The following PRKCZ variants were observed in gnomAD, a reference collection of about 807,000 sequenced individuals.
PRKCZ encodes the protein protein kinase C zeta.
Under a neutral mutation model 79.5 loss-of-function variants are expected in PRKCZ, and 33 were observed. The observed-to-expected ratio is 0.41, with a 90% CI of 0.31 to 0.55. The LOEUF (loss-of-function observed/expected upper bound fraction) is 0.55, where lower values mean the gene tolerates loss of function less well. Ranked by LOEUF, PRKCZ falls within the 20% of genes least tolerant of loss-of-function variation. The probability of loss-of-function intolerance (pLI) is 0.19; values close to 1 mark genes in which losing one functional copy is unlikely to be tolerated. For synonymous variants in PRKCZ, 342 were observed against 320.9 expected (o/e 1.07, Z -0.70); for missense variants, 578 against 813.5 (o/e 0.71, Z 3.52).
chr1:2,098,920 A>C (rs1481602751), intron 4 of PRKCZ, among the ~76,000 whole-genome samples: 2 of 152,102 alleles, frequency 1.3e-5, no homozygotes, highest in Non-Finnish European at 2.9e-5. Flanking sequence ...TGACCTCGTG[A>C]TCCACCCACC....
At chr1:2,058,532 TAGTA>T (rs1315946539) in intron 3 of PRKCZ, among the ~76,000 whole-genome samples, 1 of 152,134 alleles carries the variant, frequency 6.6e-6, no homozygotes, top group Admixed American at 6.5e-5. Context: ...GTGGTTGTGA[TAGTA>T]AGCACATTTT....
chr1:2,057,212 C>T (rs1660249692), intron 3 of PRKCZ, among the ~76,000 whole-genome samples: 1 of 152,200 alleles, frequency 6.6e-6, no homozygotes, highest in South Asian at 2.1e-4. Context: ...CTGTCCTCAG[C>T]TTTAAGTTCA....
chr1:2,155,310 G>A (rs943209317), intron 9 of PRKCZ, among the ~76,000 whole-genome samples: 1 of 151,914 alleles, frequency 6.6e-6, no homozygotes, highest in Non-Finnish European at 1.5e-5. Context: ...GACAATGGTG[G>A]TGATGACAGT....
rs776964770 is a variant in PRKCZ at position 2,056,582 on chromosome 1, C to T, written c.283+9C>T. The T allele has an allele frequency of 1.5e-5, 24 of 1,611,324 alleles. No individual in the cohort carries two copies. In the East Asian group the frequency reaches 1.8e-4, roughly 12 times the overall value. On this transcript the variant is annotated intron_variant, in intron 3 of 17. Transcript: ENST00000378567. Reference sequence around the variant, plus strand: ...AGGCCTCATCATTCATGGTTAGTGGCGGGGTCTGTGGTGGGCAGCTCTGGG... The same window carrying T: ...AGGCCTCATCATTCATGGTTAGTGGTGGGGTCTGTGGTGGGCAGCTCTGGG...
At chr1:2,146,485 C>T (rs1046279468) in intron 7 of PRKCZ, among the ~76,000 whole-genome samples, 3 of 152,228 alleles carry the variant, frequency 2.0e-5, no homozygotes, top group Non-Finnish European at 4.4e-5. Context: ...AGAGCTGAGC[C>T]CTATCTGGGG....
intron 7 of PRKCZ, among the ~76,000 whole-genome samples, chr1:2,146,404 C>T (rs908292125): frequency 1.1e-4 from 17 of 152,192 alleles, no homozygotes; most frequent in Non-Finnish European, 2.2e-4. Flanking sequence ...TAACCAGCTC[C>T]GGGAGTTCTC....
chr1:2,087,838 AC>A (rs1243179164), intron 4 of PRKCZ, among the ~76,000 whole-genome samples: 6 of 152,124 alleles, frequency 3.9e-5, no homozygotes, highest in African/African-American at 1.2e-4. Flanking sequence ...CCTGAGGAGG[AC>A]CAGCGTCTGG....
intron 4 of PRKCZ, among the ~76,000 whole-genome samples, chr1:2,062,032 G>A (rs1003454001): frequency 1.3e-5 from 2 of 152,214 alleles, no homozygotes; most frequent in Admixed American, 1.3e-4. Flanking sequence ...AGAGGCAGAC[G>A]AGGGCAGGAC....
At chr1:2,160,393 G>A (rs970072471) in intron 10 of PRKCZ, among the ~76,000 whole-genome samples, 5 of 152,138 alleles carry the variant, frequency 3.3e-5, no homozygotes, top group African/African-American at 1.2e-4. Context: ...GGGAGGGTCC[G>A]CAGGGAGCAG....
At chr1:2,076,800 G>C (rs531114474) in intron 4 of PRKCZ, among the ~76,000 whole-genome samples, 28 of 151,988 alleles carry the variant, frequency 1.8e-4, no homozygotes, top group Admixed American at 1.1e-3. Context: ...CCAGTCGGTC[G>C]TCCAGTGTTC....
intron 4 of PRKCZ, among the ~76,000 whole-genome samples, chr1:2,061,538 G>T (rs17777295): frequency 0.17 from 25,646 of 152,148 alleles, 2,715 homozygotes; most frequent in Non-Finnish European, 0.25. Context: ...CCTGGGACAC[G>T]TGAGTAGGTC....
At chr1:2,160,315 C>T (rs1017428812) in intron 10 of PRKCZ, among the ~76,000 whole-genome samples, 2 of 151,072 alleles carry the variant, frequency 1.3e-5, no homozygotes, top group African/African-American at 4.9e-5. Context: ...GAGAGGGAGA[C>T]AGCTTTACTA....
chr1:2,096,035 T>A (rs1321505376), intron 4 of PRKCZ, among the ~76,000 whole-genome samples: 3 of 150,732 alleles, frequency 2.0e-5, no homozygotes, highest in Non-Finnish European at 4.4e-5. Flanking sequence ...GGGCCGGGCC[T>A]GTCTGGGATC....
intron 4 of PRKCZ, among the ~76,000 whole-genome samples, chr1:2,120,785 T>A (rs1227052060): frequency 6.6e-6 from 1 of 152,168 alleles, no homozygotes; most frequent in Non-Finnish European, 1.5e-5. Context: ...ATCTACCCTT[T>A]AAATTATTAA....
intron 4 of PRKCZ, among the ~76,000 whole-genome samples, chr1:2,124,934 G>A (rs543648830): frequency 9.8e-5 from 15 of 152,320 alleles, no homozygotes; most frequent in Admixed American, 2.6e-4. Flanking sequence ...GACTCCTCGC[G>A]TGGCGTCCCT....
intron 4 of PRKCZ, chr1:2,134,892 AGGAGGGGGGT>A (rs1185638472): frequency 1.2e-5 from 2 of 166,814 alleles, no homozygotes; most frequent in East Asian, 1.7e-4. Flanking sequence ...CTGCCTGGGG[AGGAGGGGGGT>A]GGAAAGGAAA....
chr1:2,180,510 CGTG>C (rs1392271274), intron 16 of PRKCZ, among the ~76,000 whole-genome samples: 1 of 150,404 alleles, frequency 6.6e-6, no homozygotes, highest in African/African-American at 2.5e-5. Flanking sequence ...GCACAGATGA[CGTG>C]GACGCACAGA....
chr1:2,121,698 A>G lies in PRKCZ; in HGVS notation c.335-13564A>G, dbSNP rs1388903673. ...GGTGGTTAGGGTCACGGTGGTGGTT[A>G]GGGTCACGGTGGTAGTTAGGGTCAC... is the stretch of plus-strand genomic sequence containing the variant. On this transcript the variant is annotated intron_variant, in intron 4 of 17. Transcript: ENST00000378567. Among the ~76,000 whole-genome samples, 48 of 89,994 alleles carry G rather than the reference A, an allele frequency of 5.3e-4. 2 individuals are homozygous for G. Among genetic ancestry groups the G allele is most frequent in the African/African-American group, 2.0e-3 (45 of 22,590 alleles). 59.0% of individuals were successfully genotyped at this position (89,994 alleles called of 152,430 possible).
intron 4 of PRKCZ, among the ~76,000 whole-genome samples, chr1:2,117,960 T>C (rs1671058535): frequency 6.6e-6 from 1 of 151,872 alleles, no homozygotes; most frequent in Admixed American, 6.6e-5. Context: ...TTTGTTGTTT[T>C]TGCAACTGTA....
Sources: allele counts gnomAD v4.1 joint callset (sites outside exome capture counted in the v4.1 genomes callset), GRCh38; gene constraint gnomAD v4.1.1; transcripts MANE v1.5; gene names NCBI Gene and HGNC (gene_info 2026-07-23, HGNC 2026-07-21).